The following SLC35F3 variants were observed in gnomAD, a reference collection of about 807,000 sequenced individuals.
SLC35F3 encodes putative thiamine transporter SLC35F3.
Under a neutral mutation model 49.9 loss-of-function variants are expected in SLC35F3, and 25 were observed. The observed-to-expected ratio is 0.50, with a 90% CI of 0.37 to 0.70. The LOEUF is 0.70. Among genes scored for constraint, SLC35F3 ranks in the 30% least tolerant of loss-of-function variants. SLC35F3 has a pLI of 0.00. For missense variants in SLC35F3, 525 were observed against 639.8 expected, an observed-to-expected ratio of 0.82 and a Z score of 1.94; for synonymous variants, 275 against 265.4, an observed-to-expected ratio of 1.04 and a Z score of -0.35.
intron 2 of SLC35F3, among the ~76,000 whole-genome samples, chr1:233,962,101 T>A (rs1662814169): frequency 6.6e-6 from 1 of 152,300 alleles, no homozygotes; most frequent in African/African-American, 2.4e-5. Flanking sequence ...AGTGTATAGA[T>A]CAAAAATTAA....
chr1:233,998,033 T>G (rs1663489233), intron 2 of SLC35F3, among the ~76,000 whole-genome samples: 1 of 152,080 alleles, frequency 6.6e-6, no homozygotes, highest in East Asian at 1.9e-4. Flanking sequence ...ATTATAGGAG[T>G]GAGCCACCGC....
chr1:234,008,598 T>C (rs1281338427), intron 2 of SLC35F3, among the ~76,000 whole-genome samples: 1 of 152,248 alleles, frequency 6.6e-6, no homozygotes, highest in Non-Finnish European at 1.5e-5. Context: ...CTCTACTGCT[T>C]TCTTCTACTG....
intron 2 of SLC35F3, among the ~76,000 whole-genome samples, chr1:233,951,990 A>G (rs1467678428): frequency 1.3e-5 from 2 of 151,516 alleles, no homozygotes; most frequent in African/African-American, 4.9e-5. Flanking sequence ...TGTCTTTCAC[A>G]TCTATCATTT....
intron 2 of SLC35F3, among the ~76,000 whole-genome samples, chr1:234,143,293 T>C (rs9435567): frequency 0.31 from 31,798 of 103,854 alleles, 4,471 homozygotes; most frequent in Non-Finnish European, 0.38. Flanking sequence ...CTTTTCTTTT[T>C]TTTTTTTTTT....
chr1:234,322,915 A>AC (rs1374662904), intron 7 of SLC35F3, 93 bp from the exon 8 acceptor site: 1 of 1,026,958 alleles, frequency 9.7e-7, no homozygotes, highest in Non-Finnish European at 1.5e-6. Context: ...CAACACTGCC[A>AC]GACAGAGGAG....
intron 2 of SLC35F3, among the ~76,000 whole-genome samples, chr1:234,017,932 G>C (rs1663828804): frequency 6.6e-6 from 1 of 151,822 alleles, no homozygotes; most frequent in South Asian, 2.1e-4. Flanking sequence ...CTTAGGAATA[G>C]GAGACAGCAT....
At chr1:234,159,824 G>A (rs1420509346) in intron 2 of SLC35F3, among the ~76,000 whole-genome samples, 1 of 152,136 alleles carries the variant, frequency 6.6e-6, no homozygotes. Flanking sequence ...AGGTGGGGAT[G>A]CTAAAAATAA....
chr1:234,083,228 C>T (rs1314522013), intron 2 of SLC35F3, among the ~76,000 whole-genome samples: 1 of 152,142 alleles, frequency 6.6e-6, no homozygotes, highest in East Asian at 1.9e-4. Context: ...AGAATTGCTG[C>T]TAATTAAGGT....
At chr1:233,997,815 A>T (rs1296421226) in intron 2 of SLC35F3, among the ~76,000 whole-genome samples, 1 of 151,930 alleles carries the variant, frequency 6.6e-6, no homozygotes, top group Non-Finnish European at 1.5e-5. Context: ...GCAATGGCAC[A>T]ATCTTGGCTC....
chr1:234,231,344 G>T lies in SLC35F3; in HGVS notation c.284-73G>T. 1.6e-6 allele frequency: 2 copies of T among 1,286,124 alleles called. No homozygotes were observed. The highest frequency in any genetic ancestry group is 2.1e-6 in the Non-Finnish European group (2 of 961,778). The allele number at this position is 1,286,124 out of a possible 1,614,324, so 79.7% of individuals were successfully genotyped here. On this transcript the variant is annotated intron_variant, in intron 2 of 7. Transcript: ENST00000366618. This position sits in a 1 kb window ranked among gnomAD's most constrained non-coding sequence, Gnocchi z 5.4. ...CAGGTAGCTGGTGGTGACAATGGCT[G>T]CAGGGCAGCGCCCTGCGAAGTGCAG...
intron 2 of SLC35F3, among the ~76,000 whole-genome samples, chr1:233,920,766 A>G (rs1165559041): frequency 1.3e-5 from 2 of 152,230 alleles, no homozygotes; most frequent in Non-Finnish European, 2.9e-5. Flanking sequence ...TGATGAAACA[A>G]TGACCATGTT....
intron 2 of SLC35F3, among the ~76,000 whole-genome samples, chr1:234,025,750 C>G (rs1307664881): frequency 6.6e-6 from 1 of 152,108 alleles, no homozygotes; most frequent in Non-Finnish European, 1.5e-5. Flanking sequence ...AATATTTTCT[C>G]CATTCTGTAG....
At chr1:234,159,318 C>A (rs550166654) in intron 2 of SLC35F3, among the ~76,000 whole-genome samples, 4 of 152,268 alleles carry the variant, frequency 2.6e-5, no homozygotes, top group African/African-American at 9.6e-5. Flanking sequence ...GTGGTTCACG[C>A]CTGTATCCAG....
rs538954053 is a variant in SLC35F3 at position 234,256,786 on chromosome 1, T to C, written c.608+25045T>C. 3.9e-5 allele frequency among the ~76,000 whole-genome samples: 6 copies of C among 152,372 alleles called. No individual in the cohort carries two copies. The East Asian group carries it at 9.6e-4, about 24-fold the overall frequency. ...TTCTCCTTTTGTAAATATTCGTGAC[T>C]GCTCCTATTGCTTATTGAATATGTA... On this transcript the variant is annotated intron_variant, in intron 3 of 7. Coordinates refer to ENST00000366618, the MANE Select transcript of SLC35F3 (RefSeq NM_173508.4).
chr1:234,114,139 T>A (rs545184678), intron 2 of SLC35F3, among the ~76,000 whole-genome samples: 1 of 152,364 alleles, frequency 6.6e-6, no homozygotes, highest in African/African-American at 2.4e-5. Flanking sequence ...GATAGTCTTA[T>A]GAGCCAGTAT....
intron 2 of SLC35F3, among the ~76,000 whole-genome samples, chr1:234,225,127 C>A (rs572911253): frequency 7.2e-5 from 11 of 152,156 alleles, no homozygotes; most frequent in Non-Finnish European, 1.6e-4. Context: ...TGCTTTGGGA[C>A]GTTTGGGGCA....
At chr1:234,058,088 T>C (rs1664481667) in intron 2 of SLC35F3, among the ~76,000 whole-genome samples, 2 of 152,134 alleles carry the variant, frequency 1.3e-5, no homozygotes, top group African/African-American at 4.8e-5. Context: ...TTTGCATACA[T>C]ACCCTTATCA....
chr1:234,167,741 C>T (rs1252152343), intron 2 of SLC35F3, among the ~76,000 whole-genome samples: 1 of 152,138 alleles, frequency 6.6e-6, no homozygotes, highest in Non-Finnish European at 1.5e-5. Flanking sequence ...GAAATCATAT[C>T]ATTTCATCCC....
intron 2 of SLC35F3, among the ~76,000 whole-genome samples, chr1:233,927,390 C>T (rs1341021042): frequency 6.6e-6 from 1 of 151,980 alleles, no homozygotes; most frequent in Non-Finnish European, 1.5e-5. Flanking sequence ...ATCTAATTTA[C>T]TTCAAAATGG....
Sources: gnomAD v4.1 joint callset for allele counts (sites outside exome capture counted in the v4.1 genomes callset) on GRCh38, gnomAD v4.1.1 for gene constraint, Gnocchi (gnomAD v3.1) non-coding constraint, MANE v1.5 for transcripts, NCBI Gene and HGNC (gene_info 2026-07-23, HGNC 2026-07-21) for gene names.